ANKRD11: variants seen among roughly 807,000 people sequenced by gnomAD.
The protein encoded by ANKRD11 is ankyrin repeat domain-containing protein 11.
Under a neutral mutation model 195.7 loss-of-function variants are expected in ANKRD11, and 17 were observed. The ratio of observed to expected loss-of-function variants is 0.09; its 90% CI spans 0.06 to 0.13. The LOEUF is 0.13. Among genes scored for constraint, ANKRD11 ranks in the 10% least tolerant of loss-of-function variants. ANKRD11 has a pLI of 1.00. For missense variants in ANKRD11, 3,735 were observed against 3,566.1 expected (o/e 1.05, Z -1.21); for synonymous variants, 1,953 against 1,528.1 (o/e 1.28, Z -6.49).
At chr16:89,393,826 A>C (rs1335368141) in intron 2 of ANKRD11, among the ~76,000 whole-genome samples, 9 of 152,178 alleles carry the variant, frequency 5.9e-5, no homozygotes, top group Admixed American at 5.9e-4. Context: ...TATTTAATGA[A>C]TAGGAGGAGA....
Position 89,419,717 on chromosome 16 carries a change from G to A in ANKRD11, c.-144-1349C>T, listed in dbSNP as rs936940929. On this transcript the variant is annotated intron_variant, in intron 1 of 12. Coordinates refer to ENST00000301030, the MANE Select transcript of ANKRD11 (RefSeq NM_013275.6). Reference sequence around the variant, plus strand: ...TTCCCCGGCTCTGCACTTAGCATCCGAGAGAATCGCGTGTTTCCTGAGCAA... The same window carrying A: ...TTCCCCGGCTCTGCACTTAGCATCCAAGAGAATCGCGTGTTTCCTGAGCAA... Among the ~76,000 whole-genome samples the A allele has an allele frequency of 3.3e-5, 5 of 152,292 alleles. No individual in the cohort carries two copies. In the South Asian group the frequency reaches 6.2e-4, roughly 19 times the overall value.
chr16:89,460,787 T>A (rs1431191126), intron 1 of ANKRD11, among the ~76,000 whole-genome samples: 3 of 152,110 alleles, frequency 2.0e-5, no homozygotes, highest in Non-Finnish European at 4.4e-5. Context: ...TAGTCACAAT[T>A]GAGGAATCTG....
chr16:89,336,943 G>GT (rs1049828682), intron 2 of ANKRD11, among the ~76,000 whole-genome samples: 6 of 148,064 alleles, frequency 4.1e-5, no homozygotes, highest in African/African-American at 1.2e-4. Flanking sequence ...GCCGAGACAG[G>GT]TGGATTGCTT....
chr16:89,281,849 C>T lies in ANKRD11; in HGVS notation c.4693G>A (p.Asp1565Asn), dbSNP rs979223082. 1.2e-6 allele frequency: 2 copies of T among 1,614,038 alleles called. No homozygotes were observed. Among genetic ancestry groups the T allele is most frequent in the Admixed American group, 1.7e-5 (1 of 60,028 alleles). ...VAPSKDPGKKDARPREKLLGD... is the reference protein window; with the variant it reads ...VAPSKDPGKKNARPREKLLGD... ...AGGAGCTTCTCCCTGGGCCTGGCGTCTTTCTTGCCTGGGTCTTTGGATGGC... is the reference window on the plus strand; with the variant it reads ...AGGAGCTTCTCCCTGGGCCTGGCGTTTTTCTTGCCTGGGTCTTTGGATGGC... Residue 1565 changes from aspartate (D) to asparagine (N), a missense_variant, in exon 9 of 13, where the codon GAC becomes AAC. By Grantham distance (23) the Asp-to-Asn change is conservative. Coordinates refer to ENST00000301030, the MANE Select transcript of ANKRD11 (RefSeq NM_013275.6). The surrounding 1 kb of genome is among the most constrained non-coding windows in gnomAD (Gnocchi z 5.5).
chr16:89,461,638 A>T (rs1193908256), intron 1 of ANKRD11, among the ~76,000 whole-genome samples: 1 of 152,114 alleles, frequency 6.6e-6, no homozygotes. Context: ...ACCACACCCC[A>T]CTTAATAATT....
chr16:89,429,992 T>A (rs377548491), intron 1 of ANKRD11, among the ~76,000 whole-genome samples: 11 of 104,546 alleles, frequency 1.1e-4, no homozygotes, highest in Admixed American at 2.8e-4. Flanking sequence ...TCACGCTCAG[T>A]CGTTCTAGTA....
intron 1 of ANKRD11, among the ~76,000 whole-genome samples, chr16:89,431,576 C>T (rs2042979978): frequency 6.6e-6 from 1 of 152,188 alleles, no homozygotes; most frequent in African/African-American, 2.4e-5. Flanking sequence ...AGGCTTCCAC[C>T]CCACCATTCC....
At chr16:89,421,830 C>A (rs1227046062) in intron 1 of ANKRD11, among the ~76,000 whole-genome samples, 1 of 152,168 alleles carries the variant, frequency 6.6e-6, no homozygotes, top group African/African-American at 2.4e-5. Flanking sequence ...ATGACAGGAC[C>A]ACTGCCCATC....
chr16:89,314,682 G>T (rs1027992416), intron 3 of ANKRD11, among the ~76,000 whole-genome samples: 3 of 152,154 alleles, frequency 2.0e-5, no homozygotes. Context: ...CCTGAGCCAG[G>T]AGAGCTCCCT....
At chr16:89,436,573 C>A (rs1443000677) in intron 1 of ANKRD11, among the ~76,000 whole-genome samples, 1 of 152,104 alleles carries the variant, frequency 6.6e-6, no homozygotes, top group Non-Finnish European at 1.5e-5. Flanking sequence ...ACGGCTGTTC[C>A]GCAAGAGCAG....
chr16:89,391,404 T>C (rs776274164), intron 2 of ANKRD11, among the ~76,000 whole-genome samples: 1 of 152,046 alleles, frequency 6.6e-6, no homozygotes, highest in Non-Finnish European at 1.5e-5. Context: ...CGTCTCCAGG[T>C]AGACAGTGTC....
At chr16:89,490,147 C>A (rs1195286878) in intron 1 of ANKRD11, 98 bp downstream of exon 1, 1 of 146,216 alleles carries the variant, frequency 6.8e-6, no homozygotes, top group Non-Finnish European at 1.5e-5. Flanking sequence ...AGGCCCGCGG[C>A]GCAGCTCCGT....
At chr16:89,331,408 G>A (rs1328734197) in intron 2 of ANKRD11, among the ~76,000 whole-genome samples, 1 of 152,104 alleles carries the variant, frequency 6.6e-6, no homozygotes, top group African/African-American at 2.4e-5. Flanking sequence ...TGACAAACAG[G>A]CAAAAATCCC....
chr16:89,318,520 G>T (rs28637538), intron 2 of ANKRD11, among the ~76,000 whole-genome samples: 2 of 152,146 alleles, frequency 1.3e-5, no homozygotes, highest in African/African-American at 4.8e-5. Context: ...TACCCATCTC[G>T]CTCATGCACG....
intron 1 of ANKRD11, among the ~76,000 whole-genome samples, chr16:89,442,752 G>A (rs1264847806): frequency 6.6e-6 from 1 of 152,170 alleles, no homozygotes; most frequent in Non-Finnish European, 1.5e-5. Flanking sequence ...AGGTTCTGCT[G>A]TTTACCCTGC....
At chr16:89,404,703 A>G (rs1314511621) in intron 2 of ANKRD11, among the ~76,000 whole-genome samples, 1 of 152,202 alleles carries the variant, frequency 6.6e-6, no homozygotes, top group East Asian at 1.9e-4. Context: ...ACCTTCCTAC[A>G]AGCACACAGA....
At chr16:89,326,602 C>T (rs186703125) in intron 2 of ANKRD11, among the ~76,000 whole-genome samples, 21 of 152,112 alleles carry the variant, frequency 1.4e-4, no homozygotes, top group Admixed American at 9.2e-4. Context: ...ATTAATCAGT[C>T]GAGGTGGCAC....
chr16:89,294,764 ACTGC>A (rs1032784503), intron 4 of ANKRD11, among the ~76,000 whole-genome samples: 1 of 152,146 alleles, frequency 6.6e-6, no homozygotes, highest in South Asian at 2.1e-4. Context: ...TGGGTCCCGC[ACTGC>A]CTGCCTGCCT....
intron 2 of ANKRD11, among the ~76,000 whole-genome samples, chr16:89,317,713 G>T (rs2037050732): frequency 6.6e-6 from 1 of 152,196 alleles, no homozygotes; most frequent in African/African-American, 2.4e-5. Context: ...CAGCTCCTGG[G>T]TTTCCCAGGA....
Sources: gnomAD v4.1 joint callset for allele counts (sites outside exome capture counted in the v4.1 genomes callset) on GRCh38, gnomAD v4.1.1 for gene constraint, Gnocchi (gnomAD v3.1) non-coding constraint, MANE v1.5 for transcripts, NCBI Gene and HGNC (gene_info 2026-07-23, HGNC 2026-07-21) for gene names.